SIPA1L3: variants seen among roughly 807,000 people sequenced by gnomAD.
SIPA1L3 encodes the protein signal-induced proliferation-associated 1-like protein 3.
SIPA1L3 carries 59 observed loss-of-function variants against 150.1 expected under a neutral mutation model. The observed-to-expected ratio is 0.39, with a 90% CI of 0.32 to 0.49. SIPA1L3 has a LOEUF of 0.49. Among genes scored for constraint, SIPA1L3 ranks in the 20% least tolerant of loss-of-function variants. SIPA1L3 has a pLI of 0.86. For synonymous variants in SIPA1L3, 1,070 were observed against 1,077.6 expected, an observed-to-expected ratio of 0.99 and a Z score of 0.14; for missense variants, 2,211 against 2,489.5, an observed-to-expected ratio of 0.89 and a Z score of 2.38.
chr19:38,040,390 A>G (rs1476953611), intron 2 of SIPA1L3, among the ~76,000 whole-genome samples: 2 of 151,742 alleles, frequency 1.3e-5, no homozygotes, highest in Non-Finnish European at 2.9e-5. Context: ...TGCCCCTTTT[A>G]GGAATTGGTG....
At chr19:38,097,057 C>CA (rs1392175850) in intron 4 of SIPA1L3, among the ~76,000 whole-genome samples, 60 of 152,306 alleles carry the variant, frequency 3.9e-4, no homozygotes, top group Admixed American at 1.4e-3. Context: ...CAAAAGAATA[C>CA]AAACTGCCTG....
At chr19:38,197,061 C>A (rs902186987) in intron 18 of SIPA1L3, among the ~76,000 whole-genome samples, 1 of 152,098 alleles carries the variant, frequency 6.6e-6, no homozygotes, top group Non-Finnish European at 1.5e-5. Context: ...CCATGTGAGC[C>A]CAGGCAAGGC....
intron 6 of SIPA1L3, among the ~76,000 whole-genome samples, chr19:38,103,818 C>T (rs998357415): frequency 3.5e-5 from 5 of 143,994 alleles, no homozygotes; most frequent in Admixed American, 1.5e-4. Context: ...AGGAGAATGG[C>T]GTGAACCCGC....
At chr19:38,106,969 C>A (rs1200587724) in intron 7 of SIPA1L3, among the ~76,000 whole-genome samples, 2 of 152,210 alleles carry the variant, frequency 1.3e-5, no homozygotes, top group Non-Finnish European at 2.9e-5. Flanking sequence ...GAAACTCACA[C>A]CAAACTGGCT....
At chr19:38,178,620 C>G (rs535326186) in intron 15 of SIPA1L3, among the ~76,000 whole-genome samples, 2 of 152,072 alleles carry the variant, frequency 1.3e-5, no homozygotes, top group Non-Finnish European at 2.9e-5. Context: ...GGACTACAGG[C>G]GCCCACCACC....
intron 1 of SIPA1L3, among the ~76,000 whole-genome samples, chr19:37,913,350 G>A (rs542693487): frequency 4.6e-5 from 7 of 152,094 alleles, no homozygotes; most frequent in Non-Finnish European, 8.8e-5. Flanking sequence ...GATCCTTGCT[G>A]TCCTAGGGTT....
At position 38,084,404 on chromosome 19, in the gene SIPA1L3, C is replaced by T. The variant is rs374982580; in HGVS notation, c.1534+1305C>T. ...GAAAAATTCAAAAAATTGCAGCCTCCGGCATAAATGCGTTAAAGAGCTTTC... is the reference window on the plus strand; with the variant it reads ...GAAAAATTCAAAAAATTGCAGCCTCTGGCATAAATGCGTTAAAGAGCTTTC... On this transcript the variant is annotated intron_variant, in intron 3 of 21. Coordinates refer to ENST00000222345, the MANE Select transcript of SIPA1L3 (RefSeq NM_015073.3). Among the ~76,000 whole-genome samples the T allele has an allele frequency of 9.7e-4, 147 of 152,068 alleles. 1 individual carries two copies. Among genetic ancestry groups the T allele is most frequent in the African/African-American group, 3.4e-3 (140 of 41,462 alleles).
chr19:38,010,411 TAA>T lies in SIPA1L3; in HGVS notation c.-378-18664_-378-18663del, dbSNP rs57336441. On this transcript the variant is annotated intron_variant, in intron 1 of 21. Coordinates refer to ENST00000222345, the MANE Select transcript of SIPA1L3 (RefSeq NM_015073.3). The stretch of plus-strand genomic sequence containing the variant: ...TGACAGAGAACCTGTCTCTCAAAAT[TAA>T]AAAAAAAAAAAAAGGGTCTGGGCAC... Among the ~76,000 whole-genome samples, 1,240 of 141,696 alleles carry T rather than the reference TAA, an allele frequency of 8.8e-3. 9 individuals are homozygous for T. Among genetic ancestry groups the T allele is most frequent in the African/African-American group, 0.023 (872 of 38,360 alleles). 93.0% of individuals were successfully genotyped at this position (141,696 alleles called of 152,430 possible). A position where few individuals can be genotyped will look rare whatever the true frequency, so the allele number is the denominator to read the frequency against.
At chr19:37,975,127 C>T (rs534109461) in intron 1 of SIPA1L3, among the ~76,000 whole-genome samples, 17 of 152,282 alleles carry the variant, frequency 1.1e-4, no homozygotes, top group African/African-American at 3.1e-4. Flanking sequence ...TCCCGGCCGT[C>T]GTGGAACTGA....
intron 1 of SIPA1L3, among the ~76,000 whole-genome samples, chr19:37,958,037 G>A (rs2046826464): frequency 6.6e-6 from 1 of 152,136 alleles, no homozygotes; most frequent in South Asian, 2.1e-4. Flanking sequence ...ATTTAGTGGA[G>A]ATATTTGGAG....
intron 15 of SIPA1L3, among the ~76,000 whole-genome samples, chr19:38,167,047 A>G (rs1972227270): frequency 6.6e-6 from 1 of 152,134 alleles, no homozygotes; most frequent in South Asian, 2.1e-4. Flanking sequence ...GTCCTGGCCA[A>G]CATGGTGAAA....
chr19:38,012,909 C>A (rs914159212), intron 1 of SIPA1L3, among the ~76,000 whole-genome samples: 2 of 152,164 alleles, frequency 1.3e-5, no homozygotes, highest in Non-Finnish European at 2.9e-5. Flanking sequence ...GAACTTGATT[C>A]TTCTACCATC....
chr19:38,077,457 A>AAAT (rs1435629222), intron 2 of SIPA1L3, among the ~76,000 whole-genome samples: 4 of 151,982 alleles, frequency 2.6e-5, no homozygotes, highest in African/African-American at 9.7e-5. Flanking sequence ...TCTCTAAAAA[A>AAAT]AATAATAATA....
At chr19:38,152,646 C>A (rs1021761439) in intron 12 of SIPA1L3, among the ~76,000 whole-genome samples, 194 bp from the exon 13 acceptor site, 1 of 152,182 alleles carries the variant, frequency 6.6e-6, no homozygotes, top group Non-Finnish European at 1.5e-5. Flanking sequence ...AGGCGAGACT[C>A]TCATCCCGGA....
chr19:38,113,320 C>T (rs1436389831), intron 8 of SIPA1L3, among the ~76,000 whole-genome samples: 1 of 151,686 alleles, frequency 6.6e-6, no homozygotes, highest in African/African-American at 2.4e-5. Context: ...TCATAGCACA[C>T]ATGACACCAT....
rs1968014988 is a variant in SIPA1L3 at position 38,008,415 on chromosome 19, G to A, written c.-378-20674G>A. Among the ~76,000 whole-genome samples the A allele has an allele frequency of 2.0e-5, 3 of 151,500 alleles. No homozygotes were observed. In the South Asian group the frequency reaches 6.3e-4, roughly 32 times the overall value. On this transcript the variant is annotated intron_variant, in intron 1 of 21. Transcript: ENST00000222345. ...GCTAATTTTTTGTATTTTTAGTAGA[G>A]ACACGGTTTCACCATATTGGTCAGG...
chr19:37,922,551 AC>A (rs1475363763), intron 1 of SIPA1L3, among the ~76,000 whole-genome samples: 3 of 151,256 alleles, frequency 2.0e-5, no homozygotes, highest in East Asian at 2.0e-4. Context: ...CCGCCACCGC[AC>A]CCGGCTAATT....
intron 16 of SIPA1L3, chr19:38,186,063 T>C (rs1972671945): frequency 6.6e-6 from 1 of 152,270 alleles, no homozygotes; most frequent in South Asian, 2.1e-4. Context: ...GTCACCCCCA[T>C]GGGGCCCAGA....
chr19:38,195,088 G>C (rs1972892235), intron 18 of SIPA1L3, among the ~76,000 whole-genome samples: 1 of 151,276 alleles, frequency 6.6e-6, no homozygotes, highest in South Asian at 2.1e-4. Flanking sequence ...CCGTTGCCTT[G>C]GCATTTGCAT....
Sources: gnomAD v4.1 joint callset for allele counts (sites outside exome capture counted in the v4.1 genomes callset) on GRCh38, gnomAD v4.1.1 for gene constraint, MANE v1.5 for transcripts, NCBI Gene and HGNC (gene_info 2026-07-23, HGNC 2026-07-21) for gene names.